The following MACF1 variants were observed in gnomAD, a reference collection of about 807,000 sequenced individuals.
MACF1 encodes the protein microtubule actin crosslinking factor 1, also known as microtubule-actin cross-linking factor 1.
MACF1 carries 193 observed loss-of-function variants against 854.8 expected under a neutral mutation model. The ratio of observed to expected loss-of-function variants is 0.23; its 90% CI spans 0.20 to 0.25. The LOEUF (loss-of-function observed/expected upper bound fraction) is 0.25, where lower values mean the gene tolerates loss of function less well. Ranked by LOEUF, MACF1 falls within the 10% of genes least tolerant of loss-of-function variation. The pLI, the probability that MACF1 is intolerant of heterozygous loss-of-function variation, is 1.00. For synonymous variants in MACF1, 3,185 were observed against 3,226.7 expected, an observed-to-expected ratio of 0.99 and a Z score of 0.44; for missense variants, 7,722 against 8,929.1, an observed-to-expected ratio of 0.86 and a Z score of 5.45.
chr1:39,267,136 A>G (rs2148353619), intron 6 of MACF1, among the ~76,000 whole-genome samples: 1 of 152,360 alleles, frequency 6.6e-6, no homozygotes, highest in Non-Finnish European at 1.5e-5. Flanking sequence ...TGGGGTTGAA[A>G]TTAAAAGTCT....
At chr1:39,272,080 GA>G (rs1164774220) in intron 6 of MACF1, among the ~76,000 whole-genome samples, 1 of 152,176 alleles carries the variant, frequency 6.6e-6, no homozygotes, top group Non-Finnish European at 1.5e-5. Flanking sequence ...AGCCAAGGCT[GA>G]AAAACTAAGT....
At chr1:39,107,345 G>A (rs1357208393) in intron 2 of MACF1, among the ~76,000 whole-genome samples, 4 of 151,368 alleles carry the variant, frequency 2.6e-5, no homozygotes, top group Non-Finnish European at 4.4e-5. Context: ...TTTTTTAGCT[G>A]TCTCACTCAG....
chr1:39,144,692 T>C (rs954086450), intron 2 of MACF1, among the ~76,000 whole-genome samples: 2 of 151,304 alleles, frequency 1.3e-5, no homozygotes, highest in Non-Finnish European at 2.9e-5. Flanking sequence ...GGTCTCACTA[T>C]GTTGCCCAGG....
intron 36 of MACF1, chr1:39,328,739 C>G (rs1372635043): frequency 6.6e-6 from 1 of 152,186 alleles, no homozygotes; most frequent in Non-Finnish European, 1.5e-5. Flanking sequence ...TTCTTTCCTC[C>G]TCTCCTTCTA....
chr1:39,377,727 G>T (rs111905743), intron 52 of MACF1, among the ~76,000 whole-genome samples: 30 of 152,150 alleles, frequency 2.0e-4, no homozygotes, highest in Admixed American at 2.6e-4. Flanking sequence ...TTTTAGGCCA[G>T]GCACGGTGAC....
At chr1:39,171,800 G>A (rs1643953241) in intron 2 of MACF1, among the ~76,000 whole-genome samples, 1 of 151,694 alleles carries the variant, frequency 6.6e-6, no homozygotes, top group African/African-American at 2.4e-5. Flanking sequence ...TAATTTTTTT[G>A]TATTTTTAGT....
intron 14 of MACF1, among the ~76,000 whole-genome samples, chr1:39,286,997 G>A (rs192689134): frequency 1.3e-5 from 2 of 151,654 alleles, no homozygotes; most frequent in East Asian, 2.0e-4. Context: ...GTCTTGCTCT[G>A]TCACCCAGGC....
chr1:39,228,166 C>T (rs1258193669), intron 1 of MACF1, among the ~76,000 whole-genome samples: 3 of 152,042 alleles, frequency 2.0e-5, no homozygotes, highest in Non-Finnish European at 4.4e-5. Context: ...AAAAATTAGC[C>T]GGACGTGGTG....
chr1:39,459,363 T>G (rs1644504815), intron 91 of MACF1, 114 bp downstream of exon 91: 3 of 1,145,642 alleles, frequency 2.6e-6, no homozygotes, highest in Non-Finnish European at 3.6e-6. Flanking sequence ...TTTTTCACAA[T>G]AGAAACAGAC....
chr1:39,457,159 C>T (rs1259925055), intron 89 of MACF1: 1 of 152,282 alleles, frequency 6.6e-6, no homozygotes, highest in Non-Finnish European at 1.5e-5. Flanking sequence ...TCCTAAAGTC[C>T]AGACATACAG....
At chr1:39,320,647 C>T (rs1486332253) in intron 31 of MACF1, among the ~76,000 whole-genome samples, 1 of 152,168 alleles carries the variant, frequency 6.6e-6, no homozygotes, top group Non-Finnish European at 1.5e-5. Flanking sequence ...TAGCTCTCCC[C>T]TATTTCTCTT....
At position 39,333,957 on chromosome 1, in the gene MACF1, G is replaced by A. The variant is rs142525476; in HGVS notation, c.7369G>A (p.Glu2457Lys). Reference protein sequence around the residue: ...KGRDAEKTVRERLISLQMETT... With the variant: ...KGRDAEKTVRKRLISLQMETT... ...TAGAGATGCTGAAAAAACAGTTAGG[G>A]AGAGATTAATTAGTTTACAAATGGA... Residue 2457 changes from glutamate to lysine, a missense_variant, in exon 37 of 101, where the codon GAG (glutamate) becomes AAG (lysine). Transcript: ENST00000564288. 166 of 1,614,056 alleles carry A rather than the reference G, an allele frequency of 1.0e-4. No individual in the cohort carries two copies. Among genetic ancestry groups the A allele is most frequent in the Middle Eastern group, 1.6e-4 (1 of 6,084 alleles).
chr1:39,131,325 C>T (rs1020214560), intron 2 of MACF1, among the ~76,000 whole-genome samples: 3 of 151,024 alleles, frequency 2.0e-5, no homozygotes, highest in Admixed American at 2.0e-4. Context: ...CCATCATGCC[C>T]AGCTCAGTTT....
In MACF1 at chr1:39,331,356, G is replaced by A. The variant is rs145497948; in HGVS notation, c.4768G>A (p.Gly1590Ser). 58 of 1,613,768 alleles carry A rather than the reference G, an allele frequency of 3.6e-5. No individual in the cohort carries two copies. The African/African-American group carries it at 7.8e-4, about 22-fold the overall frequency. Residue 1590 changes from glycine (G) to serine (S), a missense_variant, in exon 37 of 101, where the codon GGT (glycine) becomes AGT (serine). Physicochemically the swap from Gly to Ser is moderately conservative, Grantham distance 56 (BLOSUM62 0). Around this residue, in one of 15 missense-constraint regions of MACF1, gnomAD observed 1,531 missense variants for 1,601.6 expected, o/e 0.96. Coordinates refer to ENST00000564288, the MANE Select transcript of MACF1 (RefSeq NM_001394062.1). ...GTCTGGCCTCATTGCCCCTGAGACG[G>A]GTGAAAACCTCTCTTTGGAGGAGGG... ...IMSGLIAPET[G>S]ENLSLEEGIA...
chr1:39,178,259 T>G (rs888834961), intron 2 of MACF1, among the ~76,000 whole-genome samples: 39 of 151,402 alleles, frequency 2.6e-4, no homozygotes, highest in African/African-American at 9.5e-4. Flanking sequence ...GTTACATAGG[T>G]ATACATGTGC....
chr1:39,330,386 A>C (rs1646697267), intron 36 of MACF1, among the ~76,000 whole-genome samples: 1 of 152,210 alleles, frequency 6.6e-6, no homozygotes, highest in African/African-American at 2.4e-5. Flanking sequence ...TCTGGGCTGC[A>C]TAAATCTCTC....
At chr1:39,205,335 T>C (rs1221630914) in intron 1 of MACF1, among the ~76,000 whole-genome samples, 1 of 152,104 alleles carries the variant, frequency 6.6e-6, no homozygotes. Context: ...GGGGTGGTGC[T>C]CTTTTCTGTT....
intron 2 of MACF1, among the ~76,000 whole-genome samples, chr1:39,113,690 T>G (rs1468237501): frequency 6.6e-6 from 1 of 152,088 alleles, no homozygotes. Flanking sequence ...TATAACACAA[T>G]TTTAGGTAGC....
intron 72 of MACF1, among the ~76,000 whole-genome samples, chr1:39,439,940 G>GA (rs1170614480): frequency 1.3e-5 from 2 of 151,348 alleles, no homozygotes; most frequent in Admixed American, 6.6e-5. Flanking sequence ...TTCTCCAATT[G>GA]AAAAAAACCT....
Sources: gnomAD v4.1 joint callset for allele counts (sites outside exome capture counted in the v4.1 genomes callset) on GRCh38, gnomAD v4.1.1 for gene constraint, gnomAD v4.1.1 regional missense constraint, MANE v1.5 for transcripts, NCBI Gene and HGNC (gene_info 2026-07-23, HGNC 2026-07-21) for gene names.